Variants in RAD51B observed in about 807,000 individuals in gnomAD.
The protein encoded by RAD51B is RAD51 paralog B.
Under a neutral mutation model 42.2 loss-of-function variants are expected in RAD51B, and 38 were observed. That is an observed-to-expected ratio of 0.90 (90% CI 0.70 to 1.18). The LOEUF is 1.18. Ranked by LOEUF, RAD51B falls within the 50% of genes most tolerant of loss-of-function variation. The probability of loss-of-function intolerance (pLI) is 0.00; values close to 1 mark genes in which losing one functional copy is unlikely to be tolerated. For missense variants in RAD51B, 373 were observed against 400.7 expected, an observed-to-expected ratio of 0.93 and a Z score of 0.59; for synonymous variants, 154 against 145.2, an observed-to-expected ratio of 1.06 and a Z score of -0.43.
chr14:67,863,243 A>G (rs1202399486), intron 4 of RAD51B, among the ~76,000 whole-genome samples: 1 of 143,890 alleles, frequency 6.9e-6, no homozygotes, highest in East Asian at 2.0e-4. Flanking sequence ...CTCTTGCCTC[A>G]GCCTCTGGGA....
chr14:68,578,135 G>A (rs887165714), intron 10 of RAD51B, among the ~76,000 whole-genome samples: 1 of 152,232 alleles, frequency 6.6e-6, no homozygotes, highest in Non-Finnish European at 1.5e-5. Context: ...CAAAGATAAA[G>A]AACGTAATGG....
At chr14:68,520,816 C>T (rs1029542228) in intron 10 of RAD51B, among the ~76,000 whole-genome samples, 1 of 152,114 alleles carries the variant, frequency 6.6e-6, no homozygotes, top group Non-Finnish European at 1.5e-5. Context: ...TTACACAAGT[C>T]AATATGAAAA....
chr14:67,912,041 T>C (rs2044001132), intron 7 of RAD51B, among the ~76,000 whole-genome samples: 1 of 152,248 alleles, frequency 6.6e-6, no homozygotes, highest in African/African-American at 2.4e-5. Context: ...AGAAAATTTA[T>C]TTTCTTCTAC....
At chr14:68,032,555 C>T (rs2076064198) in intron 7 of RAD51B, among the ~76,000 whole-genome samples, 1 of 152,124 alleles carries the variant, frequency 6.6e-6, no homozygotes, top group South Asian at 2.1e-4. Flanking sequence ...AATCATCAAA[C>T]AGAGTTCTGA....
intron 9 of RAD51B, among the ~76,000 whole-genome samples, chr14:68,442,685 C>T (rs538643095): frequency 1.3e-5 from 2 of 151,864 alleles, no homozygotes; most frequent in South Asian, 2.1e-4. Flanking sequence ...GTGATCCGCC[C>T]GCCTCGGCCT....
intron 8 of RAD51B, among the ~76,000 whole-genome samples, chr14:68,355,737 T>C (rs1254775142): frequency 2.0e-5 from 3 of 152,214 alleles, no homozygotes; most frequent in Admixed American, 2.0e-4. Flanking sequence ...AAATAACATT[T>C]TGGTGAGCAA....
intron 7 of RAD51B, among the ~76,000 whole-genome samples, chr14:67,967,191 C>T (rs1203690511): frequency 6.6e-6 from 1 of 152,176 alleles, no homozygotes; most frequent in African/African-American, 2.4e-5. Flanking sequence ...GTGGGGAATA[C>T]TGCCCCCATG....
At chr14:68,145,778 C>T (rs2078235071) in intron 7 of RAD51B, among the ~76,000 whole-genome samples, 1 of 152,158 alleles carries the variant, frequency 6.6e-6, no homozygotes, top group Admixed American at 6.5e-5. Flanking sequence ...TGCATCCTAT[C>T]CAAGAACTTT....
intron 7 of RAD51B, among the ~76,000 whole-genome samples, chr14:67,930,924 T>TTC (rs1018806420): frequency 2.7e-5 from 4 of 150,808 alleles, no homozygotes; most frequent in African/African-American, 9.9e-5. Context: ...TTTCTTTTTT[T>TTC]TTTTTCTTTT....
intron 10 of RAD51B, among the ~76,000 whole-genome samples, chr14:68,485,830 C>G (rs1003439399): frequency 6.6e-5 from 10 of 152,330 alleles, no homozygotes; most frequent in South Asian, 2.1e-4. Context: ...GTGCCCAAAG[C>G]TCTTTATTGG....
intron 7 of RAD51B, among the ~76,000 whole-genome samples, chr14:68,228,678 A>C (rs1300594384): frequency 6.6e-6 from 1 of 152,232 alleles, no homozygotes; most frequent in Admixed American, 6.5e-5. Context: ...GGTTAAAAAC[A>C]GCTTTATTTT....
intron 7 of RAD51B, among the ~76,000 whole-genome samples, chr14:67,895,800 G>C (rs972709347): frequency 6.6e-6 from 1 of 151,866 alleles, no homozygotes; most frequent in African/African-American, 2.4e-5. Flanking sequence ...GCAGGCTGCT[G>C]GTATACTACC....
intron 9 of RAD51B, among the ~76,000 whole-genome samples, chr14:68,464,601 G>C (rs1471803242): frequency 6.6e-6 from 1 of 152,090 alleles, no homozygotes; most frequent in African/African-American, 2.4e-5. Flanking sequence ...CCCTCACCAG[G>C]TTACTACTGA....
At chr14:67,831,495 T>G (rs1458424086) in intron 3 of RAD51B, among the ~76,000 whole-genome samples, 1 of 152,170 alleles carries the variant, frequency 6.6e-6, no homozygotes, top group Non-Finnish European at 1.5e-5. Flanking sequence ...TTTGTCTCAT[T>G]TATATACATA....
intron 10 of RAD51B, among the ~76,000 whole-genome samples, chr14:68,477,359 G>C (rs1882726675): frequency 1.1e-4 from 17 of 152,222 alleles, no homozygotes; most frequent in Admixed American, 1.0e-3. Context: ...CATAGAGAAA[G>C]CTGAAGAGGG....
intron 7 of RAD51B, among the ~76,000 whole-genome samples, chr14:68,287,941 C>T (rs957871384): frequency 2.0e-5 from 3 of 152,150 alleles, no homozygotes; most frequent in African/African-American, 7.2e-5. Context: ...CCATGTCACA[C>T]AGCGAGTAAA....
intron 7 of RAD51B, among the ~76,000 whole-genome samples, chr14:67,987,091 C>T (rs2075207847): frequency 6.6e-6 from 1 of 151,986 alleles, no homozygotes; most frequent in Non-Finnish European, 1.5e-5. Context: ...TTATGGGGTA[C>T]ATGGTATGTT....
chr14:67,934,483 G>C (rs899652331), intron 7 of RAD51B, among the ~76,000 whole-genome samples: 3 of 151,876 alleles, frequency 2.0e-5, no homozygotes, highest in Non-Finnish European at 4.4e-5. Context: ...TTATTTATTT[G>C]ACACGTATTT....
chr14:67,959,936 G>A (rs1027969944), intron 7 of RAD51B, among the ~76,000 whole-genome samples: 5 of 151,972 alleles, frequency 3.3e-5, no homozygotes, highest in Non-Finnish European at 5.9e-5. Flanking sequence ...AAAAAAATTA[G>A]CTGGCCATGG....
Sources: gnomAD v4.1 joint callset for allele counts (sites outside exome capture counted in the v4.1 genomes callset) on GRCh38, gnomAD v4.1.1 for gene constraint, MANE v1.5 for transcripts, NCBI Gene and HGNC (gene_info 2026-07-23, HGNC 2026-07-21) for gene names.